Variants in RUSF1 observed in about 807,000 individuals in gnomAD.
RUSF1 encodes RUS family member 1.
RUSF1 carries 58 observed loss-of-function variants against 63.0 expected under a neutral mutation model. The ratio of observed to expected loss-of-function variants is 0.92; its 90% confidence interval spans 0.75 to 1.15. RUSF1 has a LOEUF of 1.15. RUSF1 is among the 50% of genes most tolerant of loss of function. The pLI, the probability that RUSF1 is intolerant of heterozygous loss-of-function variation, is 0.00. For missense variants in RUSF1, 652 were observed against 611.0 expected (o/e 1.07, Z -0.71); for synonymous variants, 274 against 255.8 (o/e 1.07, Z -0.68).
Position 31,507,868 on chromosome 16 carries a change from G to A in RUSF1, c.311C>T (p.Ser104Phe), listed in dbSNP as rs1287783837. 1.1e-5 allele frequency: 17 copies of A among 1,560,916 alleles called. No individual in the cohort carries two copies. Among genetic ancestry groups the A allele is most frequent in the Non-Finnish European group, 1.4e-5 (16 of 1,151,876 alleles). ...GGTGGCTAGGGAGCCGGAGAGGCTGGAAGCAAACGCCTGGAGAAGAAAACA... is the reference window on the plus strand; with the variant it reads ...GGTGGCTAGGGAGCCGGAGAGGCTGAAAGCAAACGCCTGGAGAAGAAAACA... ...QLWDSVQAFA[S>F]SLSGSLATQA... Residue 104 changes from serine to phenylalanine, a missense_variant, in exon 2 of 13, where the codon TCC becomes TTC. By Grantham distance (155) the Ser-to-Phe change is radical (BLOSUM62 -2). Coordinates refer to ENST00000327237, the MANE Select transcript of RUSF1 (RefSeq NM_022744.4).
chr16:31,495,542 T>G (rs1236818571), intron 6 of RUSF1, among the ~76,000 whole-genome samples: 1 of 151,778 alleles, frequency 6.6e-6, no homozygotes, highest in East Asian at 1.9e-4. Flanking sequence ...CCTGGGGTCT[T>G]GGGAAAAATG....
chr16:31,507,042 G>T (rs888744710), intron 2 of RUSF1, among the ~76,000 whole-genome samples: 3 of 152,162 alleles, frequency 2.0e-5, no homozygotes, highest in Non-Finnish European at 4.4e-5. Context: ...ATGTAATTGC[G>T]GGTTTTCCAT....
At chr16:31,492,879 C>A in intron 10 of RUSF1, 99 bp downstream of exon 10, 1 of 1,206,968 alleles carries the variant, frequency 8.3e-7, no homozygotes, top group Non-Finnish European at 1.2e-6. Context: ...CCAGAACAGG[C>A]AGCCTCCAAA....
Position 31,493,588 on chromosome 16 carries a change from C to T in RUSF1, c.958+15G>A, listed in dbSNP as rs2082585921. Reference sequence around the variant, plus strand: ...GAGGTTGAGACACAGGACCCGAGACCAGGGGCAGGGTCACCTGTCCACAGC... The same window carrying T: ...GAGGTTGAGACACAGGACCCGAGACTAGGGGCAGGGTCACCTGTCCACAGC... On this transcript the variant is annotated intron_variant, in intron 8 of 12. Coordinates refer to ENST00000327237, the MANE Select transcript of RUSF1 (RefSeq NM_022744.4). 4 of 1,614,180 alleles carry T rather than the reference C, an allele frequency of 2.5e-6. No individual in the cohort carries two copies. The highest frequency in any genetic ancestry group is 1.3e-5 in the African/African-American group (1 of 75,056).
chr16:31,490,292 G>T lies in RUSF1; in HGVS notation c.*543C>A, dbSNP rs764455043. On this transcript the variant is annotated 3_prime_UTR_variant, in exon 13 of 13. Coordinates refer to ENST00000327237, the MANE Select transcript of RUSF1 (RefSeq NM_022744.4). ...TGAGTTCCCGCAAACTAACTGCAGG[G>T]CCTCAATTTCCCTCAGAGCCCCAGG... 1.9e-6 allele frequency: 3 copies of T among 1,613,380 alleles called. No individual in the cohort carries two copies. Among genetic ancestry groups the T allele is most frequent in the Non-Finnish European group, 2.5e-6 (3 of 1,179,744 alleles).
At position 31,490,239 on chromosome 16, in the gene RUSF1, C is replaced by G. The variant is rs754037246; in HGVS notation, c.*596G>C. On this transcript the variant is annotated 3_prime_UTR_variant, in exon 13 of 13. Coordinates refer to ENST00000327237, the MANE Select transcript of RUSF1 (RefSeq NM_022744.4). ...TGCCATGGAGATGAATGGTAGGGCA[C>G]CATGCTGGGAGGTGGGGCTGGAGGA... 5.0e-6 allele frequency: 8 copies of G among 1,613,992 alleles called. No homozygotes were observed. In the East Asian group the frequency reaches 1.1e-4, roughly 22 times the overall value.
At chr16:31,505,272 C>T (rs1416810001) in intron 2 of RUSF1, among the ~76,000 whole-genome samples, 1 of 152,106 alleles carries the variant, frequency 6.6e-6, no homozygotes, top group African/African-American at 2.4e-5. Context: ...GTGACAGATT[C>T]CTTTGCTCGC....
intron 9 of RUSF1, 44 bp downstream of exon 9, chr16:31,493,423 T>C: frequency 6.4e-7 from 1 of 1,554,134 alleles, no homozygotes; most frequent in Non-Finnish European, 8.7e-7. Flanking sequence ...GTGAGGGGAG[T>C]GTGGGTGGCG....
Position 31,490,388 on chromosome 16 carries a change from T to G in RUSF1, c.*447A>C. 6.2e-7 allele frequency: 1 copy of G among 1,613,286 alleles called. No individual in the cohort carries two copies. Among genetic ancestry groups the G allele is most frequent in the Non-Finnish European group, 8.5e-7 (1 of 1,179,760 alleles). On this transcript the variant is annotated 3_prime_UTR_variant, in exon 13 of 13. Coordinates refer to ENST00000327237, the MANE Select transcript of RUSF1 (RefSeq NM_022744.4). ...GAATGAGCAGAGGTGGGGTGGGCAG[T>G]CCTCCGCCCCTTACCCAGGAGGAGG...
chr16:31,493,308 T>C, intron 9 of RUSF1, 159 bp downstream of exon 9: 1 of 1,036,618 alleles, frequency 9.6e-7, no homozygotes, highest in Admixed American at 2.0e-5. Flanking sequence ...TTATACACCC[T>C]TTCCTTCCTC....
Position 31,496,948 on chromosome 16 carries a change from G to A in RUSF1, c.603C>T (p.Cys201=), listed in dbSNP as rs1468030299. ...TGGCCCCACCAGCAACACTCACGATGCACTGGGTGGGAGGGGAAGAGAGAA... is the reference window on the plus strand; with the variant it reads ...TGGCCCCACCAGCAACACTCACGATACACTGGGTGGGAGGGGAAGAGAGAA... The part of the protein sequence containing the change: ...MTVSTSNLAK[C]IVSVAGGATR... The change falls in exon 6 of 13, where the codon TGC becomes TGT. Residue 201 remains cysteine (C), a splice_region_variant and synonymous_variant. Coordinates refer to ENST00000327237, the MANE Select transcript of RUSF1 (RefSeq NM_022744.4). The A allele has an allele frequency of 2.5e-6, 4 of 1,602,724 alleles. No individual in the cohort carries two copies. The highest frequency in any genetic ancestry group is 4.5e-5 in the East Asian group (2 of 44,382).
At chr16:31,504,039 C>T (rs1010251510) in intron 2 of RUSF1, among the ~76,000 whole-genome samples, 1 of 151,888 alleles carries the variant, frequency 6.6e-6, no homozygotes, top group African/African-American at 2.4e-5. Context: ...GGCTGGACTA[C>T]AGGTGCCTGC....
At chr16:31,496,406 C>A (rs574180410) in intron 6 of RUSF1, among the ~76,000 whole-genome samples, 1 of 152,176 alleles carries the variant, frequency 6.6e-6, no homozygotes, top group Non-Finnish European at 1.5e-5. Context: ...CTAATCCATG[C>A]GGAGTTCAGC....
intron 2 of RUSF1, among the ~76,000 whole-genome samples, chr16:31,506,500 A>C (rs1209439729): frequency 1.3e-5 from 2 of 152,200 alleles, no homozygotes; most frequent in African/African-American, 4.8e-5. Flanking sequence ...ACGGCCAACA[A>C]GCCGGGCGCA....
chr16:31,492,122 C>T (rs1321066839), intron 11 of RUSF1, 36 bp from the exon 12 acceptor site: 10 of 1,613,994 alleles, frequency 6.2e-6, no homozygotes, highest in Non-Finnish European at 8.5e-6. Context: ...AGCTCTGTGT[C>T]CTCCAGCAGG....
At chr16:31,501,994 A>G (rs1418962848) in intron 2 of RUSF1, among the ~76,000 whole-genome samples, 7 of 152,230 alleles carry the variant, frequency 4.6e-5, no homozygotes. Context: ...AAAGCCTGCA[A>G]AGCATTAAGA....
At position 31,493,790 on chromosome 16, in the gene RUSF1, G is replaced by A. The variant is rs1439849002; in HGVS notation, c.774-3C>T. ...AGAAGAAACATCCAAGGCTGAAGCT[G>A]GGGTGAGAGAGTGAGGTAGCTGAAG... is the stretch of plus-strand genomic sequence containing the variant. On this transcript the variant is annotated splice_polypyrimidine_tract_variant and splice_region_variant and intron_variant, in intron 7 of 12. Coordinates refer to ENST00000327237, the MANE Select transcript of RUSF1 (RefSeq NM_022744.4). 1 of 1,614,210 alleles carries A rather than the reference G, an allele frequency of 6.2e-7. No individual in the cohort carries two copies. The highest frequency in any genetic ancestry group is 8.5e-7 in the Non-Finnish European group (1 of 1,180,022).
chr16:31,506,212 A>G (rs1024648958), intron 2 of RUSF1, among the ~76,000 whole-genome samples: 1 of 152,240 alleles, frequency 6.6e-6, no homozygotes, highest in Non-Finnish European at 1.5e-5. Context: ...TGTTTCATGC[A>G]CACCATTGAA....
At chr16:31,492,853 C>T (rs768433042) in intron 10 of RUSF1, 125 bp downstream of exon 10, 34 of 868,198 alleles carry the variant, frequency 3.9e-5, no homozygotes, top group African/African-American at 5.1e-5. Context: ...GTAATTTGAA[C>T]GGTCTAGAGC....
Sources: gnomAD v4.1 joint callset for allele counts (sites outside exome capture counted in the v4.1 genomes callset) on GRCh38, gnomAD v4.1.1 for gene constraint, MANE v1.5 for transcripts, NCBI Gene and HGNC (gene_info 2026-07-23, HGNC 2026-07-21) for gene names.